GNAQ: variants seen among roughly 807,000 people sequenced by gnomAD.
GNAQ encodes the protein guanine nucleotide-binding protein G(q) subunit alpha.
GNAQ carries 8 observed loss-of-function variants against 43.9 expected under a neutral mutation model. The observed-to-expected ratio is 0.18, with a 90% CI of 0.11 to 0.33. GNAQ has a LOEUF of 0.33. Among genes scored for constraint, GNAQ ranks in the 10% least tolerant of loss-of-function variants. The pLI is 1.00. For missense variants in GNAQ, 158 were observed against 450.8 expected (o/e 0.35, Z 5.88); for synonymous variants, 155 against 170.7 (o/e 0.91, Z 0.71).
At chr9:77,913,830 T>C (rs1425286418) in intron 2 of GNAQ, among the ~76,000 whole-genome samples, 2 of 152,210 alleles carry the variant, frequency 1.3e-5, no homozygotes, top group Non-Finnish European at 2.9e-5. Flanking sequence ...CAGATATACA[T>C]GTATTGACAA....
chr9:77,841,088 A>C (rs569222090), intron 2 of GNAQ, among the ~76,000 whole-genome samples: 4 of 152,284 alleles, frequency 2.6e-5, no homozygotes, highest in South Asian at 4.1e-4. Context: ...TCATGTTAAA[A>C]AAACAAACAA....
At chr9:77,808,638 C>T (rs938802407) in intron 3 of GNAQ, among the ~76,000 whole-genome samples, 3 of 152,026 alleles carry the variant, frequency 2.0e-5, no homozygotes, top group African/African-American at 2.4e-5. Flanking sequence ...AGGATAATGA[C>T]TTCTCAGATA....
intron 1 of GNAQ, 75 bp from the exon 2 acceptor site, chr9:77,922,420 T>C (rs1030297467): frequency 2.0e-6 from 2 of 992,148 alleles, no homozygotes; most frequent in African/African-American, 3.2e-5. Context: ...CCAAATACCA[T>C]GCCTTGGATT....
At position 77,971,837 on chromosome 9, in the gene GNAQ, T is replaced by C. The variant is rs575039432; in HGVS notation, c.137-49492A>G. Among the ~76,000 whole-genome samples the C allele has an allele frequency of 3.3e-5, 5 of 152,332 alleles. No individual in the cohort carries two copies. In the East Asian group the frequency reaches 9.6e-4, roughly 29 times the overall value. ...TCTCTTATTCCTGAGCAGTGGTTTG[T>C]AGTTCTCCTTGAAGAGGTCCTTCAC... On this transcript the variant is annotated intron_variant, in intron 1 of 6. Coordinates refer to ENST00000286548, the MANE Select transcript of GNAQ (RefSeq NM_002072.5).
At chr9:77,839,068 C>T (rs1025345887) in intron 2 of GNAQ, among the ~76,000 whole-genome samples, 3 of 152,190 alleles carry the variant, frequency 2.0e-5, no homozygotes, top group South Asian at 2.1e-4. Context: ...CTGCCTCTTT[C>T]CCTTCCCTGA....
intron 3 of GNAQ, among the ~76,000 whole-genome samples, chr9:77,809,872 G>A (rs1826890465): frequency 6.6e-6 from 1 of 152,144 alleles, no homozygotes; most frequent in South Asian, 2.1e-4. Flanking sequence ...GGGGTTGAGA[G>A]ATAAAGACTG....
At chr9:78,000,447 G>T (rs1363685545) in intron 1 of GNAQ, among the ~76,000 whole-genome samples, 2 of 152,278 alleles carry the variant, frequency 1.3e-5, no homozygotes, top group Middle Eastern at 3.4e-3. Flanking sequence ...AGAGATGAGG[G>T]ATGGTTTTTA....
intron 1 of GNAQ, among the ~76,000 whole-genome samples, chr9:77,968,776 C>T (rs1053671048): frequency 2.6e-5 from 4 of 152,206 alleles, no homozygotes; most frequent in African/African-American, 9.6e-5. Flanking sequence ...CACAATTATG[C>T]CGGGGCTCTT....
chr9:77,785,753 TAGTTTGTTATAAA>T (rs1826466873), intron 5 of GNAQ, among the ~76,000 whole-genome samples: 1 of 152,194 alleles, frequency 6.6e-6, no homozygotes, highest in South Asian at 2.1e-4. Context: ...TTCAATTAGA[TAGTTTGTTATAAA>T]AGACATAATA....
At chr9:77,778,940 T>C (rs923529479) in intron 5 of GNAQ, among the ~76,000 whole-genome samples, 4 of 151,838 alleles carry the variant, frequency 2.6e-5, no homozygotes, top group Admixed American at 6.6e-5. Flanking sequence ...CAAAAACTGA[T>C]AGAAGGAAAA....
chr9:77,920,497 T>TA (rs1000447713), intron 2 of GNAQ, among the ~76,000 whole-genome samples: 15 of 152,088 alleles, frequency 9.9e-5, no homozygotes, highest in Non-Finnish European at 1.5e-4. Context: ...TCGCTGGTAT[T>TA]AAAAAAATAA....
intron 1 of GNAQ, among the ~76,000 whole-genome samples, chr9:77,948,983 G>T (rs1335083134): frequency 6.6e-6 from 1 of 152,138 alleles, no homozygotes; most frequent in Non-Finnish European, 1.5e-5. Context: ...CCTTTCAGGT[G>T]CCCCAGGGTC....
In GNAQ at chr9:77,860,178, G is replaced by C. The variant is rs186166636; in HGVS notation, c.322-44408C>G. ...TAGTAGCATGGCCCATGACCACCTG[G>C]GCATCTGCAGGCGGCTGAGTGGGGG... On this transcript the variant is annotated intron_variant, in intron 2 of 6. Coordinates refer to ENST00000286548, the MANE Select transcript of GNAQ (RefSeq NM_002072.5). 3.0e-4 allele frequency among the ~76,000 whole-genome samples: 46 copies of C among 152,274 alleles called. No homozygotes were observed. In the East Asian group the frequency reaches 7.9e-3, roughly 26 times the overall value.
intron 5 of GNAQ, among the ~76,000 whole-genome samples, chr9:77,753,867 A>T (rs538019711): frequency 1.3e-5 from 2 of 152,328 alleles, no homozygotes; most frequent in South Asian, 4.1e-4. Flanking sequence ...AGACAGTGGG[A>T]TATTTAACAA....
At chr9:77,961,679 C>T (rs1386736532) in intron 1 of GNAQ, among the ~76,000 whole-genome samples, 1 of 152,104 alleles carries the variant, frequency 6.6e-6, no homozygotes, top group Non-Finnish European at 1.5e-5. Context: ...AGCCTAAAAG[C>T]AAGACTACAA....
intron 1 of GNAQ, among the ~76,000 whole-genome samples, chr9:77,990,497 A>G (rs1823495001): frequency 6.6e-6 from 1 of 152,204 alleles, no homozygotes; most frequent in African/African-American, 2.4e-5. Context: ...TGCTGGGATT[A>G]CAGGCATGAG....
At chr9:77,723,215 C>T (rs1269223647) in intron 6 of GNAQ, among the ~76,000 whole-genome samples, 1 of 152,222 alleles carries the variant, frequency 6.6e-6, no homozygotes, top group South Asian at 2.1e-4. Context: ...GACCTCTCCA[C>T]ATCTACTAGC....
intron 1 of GNAQ, among the ~76,000 whole-genome samples, chr9:77,959,116 G>C (rs914044066): frequency 2.0e-5 from 3 of 152,096 alleles, no homozygotes; most frequent in African/African-American, 7.2e-5. Flanking sequence ...GGGCCCCAGA[G>C]TTCAATATTT....
At chr9:78,000,398 C>T (rs868467231) in intron 1 of GNAQ, among the ~76,000 whole-genome samples, 1 of 152,052 alleles carries the variant, frequency 6.6e-6, no homozygotes, top group Admixed American at 6.5e-5. Context: ...GTGGCAGATG[C>T]TACATCACAT....
Sources: gnomAD v4.1 joint callset for allele counts (sites outside exome capture counted in the v4.1 genomes callset) on GRCh38, gnomAD v4.1.1 for gene constraint, MANE v1.5 for transcripts, NCBI Gene and HGNC (gene_info 2026-07-23, HGNC 2026-07-21) for gene names.